COL24A1: variants seen among roughly 807,000 people sequenced by gnomAD.
COL24A1 encodes the protein collagen type XXIV alpha 1 chain.
COL24A1 carries 224 observed loss-of-function variants against 253.9 expected under a neutral mutation model. The ratio of observed to expected loss-of-function variants is 0.88; its 90% CI spans 0.79 to 0.99. The LOEUF (loss-of-function observed/expected upper bound fraction) is 0.99, where lower values mean the gene tolerates loss of function less well. COL24A1 is among the 50% of genes least tolerant of loss of function. The pLI is 0.00. For synonymous variants in COL24A1, 685 were observed against 673.7 expected, an observed-to-expected ratio of 1.02 and a Z score of -0.26; for missense variants, 2,131 against 2,068.5, an observed-to-expected ratio of 1.03 and a Z score of -0.59.
At chr1:85,858,656 C>CTTCCTTCCTTCCTTCA (rs1678768383) in intron 37 of COL24A1, among the ~76,000 whole-genome samples, 1 of 149,160 alleles carries the variant, frequency 6.7e-6, no homozygotes, top group Non-Finnish European at 1.5e-5. Context: ...TCCTTCCTTC[C>CTTCCTTCCTTCCTTCA]TTCCTTCCTT....
At chr1:86,083,026 G>A (rs1190577139) in intron 7 of COL24A1, among the ~76,000 whole-genome samples, 1 of 151,954 alleles carries the variant, frequency 6.6e-6, no homozygotes, top group Non-Finnish European at 1.5e-5. Flanking sequence ...GGCCGGGCAC[G>A]GTGGCTCACG....
intron 24 of COL24A1, among the ~76,000 whole-genome samples, chr1:85,952,788 T>C (rs1189843228): frequency 6.6e-6 from 1 of 152,234 alleles, no homozygotes; most frequent in African/African-American, 2.4e-5. Context: ...AAGTCTAAAA[T>C]ATATACTCCC....
At chr1:85,809,360 T>C (rs1296444922) in intron 47 of COL24A1, among the ~76,000 whole-genome samples, 1 of 152,196 alleles carries the variant, frequency 6.6e-6, no homozygotes, top group Admixed American at 6.5e-5. Context: ...GGTGGGACTA[T>C]TGTCATTCTT....
Position 85,841,362 on chromosome 1 carries a change from T to C in COL24A1, c.3571-84A>G, listed in dbSNP as rs556421422. The stretch of plus-strand genomic sequence containing the variant: ...ACACAACCTACTATTTTTAAGTATA[T>C]TAGAAAATGCAGTTTGATGTTATCT... On this transcript the variant is annotated intron_variant, in intron 41 of 59. Coordinates refer to ENST00000370571, the MANE Select transcript of COL24A1 (RefSeq NM_152890.7). 5 of 938,372 alleles carry C rather than the reference T, an allele frequency of 5.3e-6. No individual in the cohort carries two copies. The East Asian group carries it at 1.4e-4, about 26-fold the overall frequency. The allele number at this position is 938,372 out of a possible 1,614,324, so 58.1% of individuals were successfully genotyped here. A position where few individuals can be genotyped will look rare whatever the true frequency, so the allele number is the denominator to read the frequency against.
chr1:85,872,813 G>T (rs1680685109), intron 35 of COL24A1, among the ~76,000 whole-genome samples: 1 of 152,102 alleles, frequency 6.6e-6, no homozygotes, highest in African/African-American at 2.4e-5. Flanking sequence ...AAAAGCAATG[G>T]CAACAAAAGC....
At chr1:85,756,057 C>CAAAAAAAAAAAAAAAAAAAAAA (rs200030128) in intron 55 of COL24A1, among the ~76,000 whole-genome samples, 1 of 95,830 alleles carries the variant, frequency 1.0e-5, no homozygotes, top group African/African-American at 4.5e-5. Context: ...TACTAACAAC[C>CAAAAAAAAAAAAAAAAAAAAAA]AAAAAAAAAA....
intron 2 of COL24A1, among the ~76,000 whole-genome samples, chr1:86,137,784 T>C (rs1288749671): frequency 6.6e-6 from 1 of 152,182 alleles, no homozygotes; most frequent in Non-Finnish European, 1.5e-5. Context: ...AAATGAGATG[T>C]TTCAAAAGCA....
chr1:85,850,911 A>T (rs1677686616), intron 37 of COL24A1, among the ~76,000 whole-genome samples: 1 of 151,952 alleles, frequency 6.6e-6, no homozygotes. Flanking sequence ...ACATGTAAAG[A>T]TGTTAAAAGG....
At chr1:85,959,206 G>C (rs181742464) in intron 24 of COL24A1, among the ~76,000 whole-genome samples, 5 of 152,158 alleles carry the variant, frequency 3.3e-5, no homozygotes, top group Admixed American at 3.3e-4. Flanking sequence ...CAAAATGAAA[G>C]CCAGAATTAC....
chr1:86,127,937 GTTAGAACAACCATCAT>G (rs1035645005), intron 2 of COL24A1, among the ~76,000 whole-genome samples: 1 of 151,918 alleles, frequency 6.6e-6, no homozygotes, highest in African/African-American at 2.4e-5. Flanking sequence ...TTATTTTAAG[GTTAGAACAACCATCAT>G]TTTATCAATA....
intron 39 of COL24A1, 75 bp downstream of exon 39, chr1:85,847,590 T>A: frequency 2.0e-6 from 2 of 1,008,326 alleles, no homozygotes; most frequent in Non-Finnish European, 3.1e-6. Flanking sequence ...AATCAAGGGA[T>A]GAAACTTTAA....
In COL24A1 at chr1:86,092,296, A is replaced by T. The variant is rs1160948155; in HGVS notation, c.1624T>A (p.Ser542Thr). ...PKGPKGDPGFSPGQPVPGEKG... is the reference protein window; with the variant it reads ...PKGPKGDPGFTPGQPVPGEKG... The stretch of plus-strand genomic sequence containing the variant: ...TCTCCAGGAACAGGTTGACCTGGGG[A>T]AAATCCTGGATCTCCTTTGGGGCCC... Residue 542 changes from serine (S) to threonine (T), a missense_variant, in exon 6 of 60, where the codon TCC becomes ACC. By Grantham distance (58) the Ser-to-Thr change is moderately conservative. Coordinates refer to ENST00000370571, the MANE Select transcript of COL24A1 (RefSeq NM_152890.7). 1.9e-6 allele frequency: 3 copies of T among 1,606,222 alleles called. No homozygotes were observed. Among genetic ancestry groups the T allele is most frequent in the Non-Finnish European group, 2.6e-6 (3 of 1,174,246 alleles).
intron 58 of COL24A1, among the ~76,000 whole-genome samples, chr1:85,737,021 T>A (rs1190430883): frequency 1.3e-5 from 2 of 152,250 alleles, no homozygotes; most frequent in East Asian, 3.9e-4. Flanking sequence ...TTTTAATGAT[T>A]ATAATATAAT....
intron 24 of COL24A1, among the ~76,000 whole-genome samples, chr1:85,954,352 T>C (rs530163395): frequency 6.6e-6 from 1 of 152,258 alleles, no homozygotes; most frequent in Non-Finnish European, 1.5e-5. Flanking sequence ...AATAACAGGA[T>C]TATACTTATT....
chr1:85,921,291 C>A (rs147189547), intron 24 of COL24A1, among the ~76,000 whole-genome samples: 2,622 of 152,322 alleles, frequency 0.017, 81 homozygotes, highest in African/African-American at 0.061. Flanking sequence ...TATCCTGTGC[C>A]TGGCTTGGCA....
At chr1:85,859,884 G>A (rs1023909210) in intron 37 of COL24A1, among the ~76,000 whole-genome samples, 1 of 152,180 alleles carries the variant, frequency 6.6e-6, no homozygotes, top group African/African-American at 2.4e-5. Flanking sequence ...TTGGGAGGCT[G>A]AGGCAGGAGA....
intron 24 of COL24A1, among the ~76,000 whole-genome samples, chr1:85,947,495 A>G (rs1343836102): frequency 2.0e-5 from 3 of 152,226 alleles, no homozygotes; most frequent in African/African-American, 7.2e-5. Flanking sequence ...CTTAATGAAA[A>G]TAAGTTACTA....
intron 43 of COL24A1, among the ~76,000 whole-genome samples, chr1:85,830,665 G>T (rs1675122473): frequency 6.6e-6 from 1 of 152,106 alleles, no homozygotes; most frequent in Non-Finnish European, 1.5e-5. Context: ...GCAGTATTCG[G>T]GTCAGAGTGA....
intron 37 of COL24A1, among the ~76,000 whole-genome samples, chr1:85,859,376 A>G (rs1678877325): frequency 6.6e-6 from 1 of 152,236 alleles, no homozygotes; most frequent in Non-Finnish European, 1.5e-5. Context: ...AAGGCAAAGT[A>G]GAGTGAGAGA....
Sources: gnomAD v4.1 joint callset for allele counts (sites outside exome capture counted in the v4.1 genomes callset) on GRCh38, gnomAD v4.1.1 for gene constraint, MANE v1.5 for transcripts, NCBI Gene and HGNC (gene_info 2026-07-23, HGNC 2026-07-21) for gene names.